The following CLEC4G variants were observed in gnomAD, a reference collection of about 807,000 sequenced individuals.
The protein encoded by CLEC4G is C-type lectin domain family 4 member G.
A neutral mutation model predicts 37.0 loss-of-function variants in CLEC4G; 34 were observed. The observed-to-expected ratio is 0.92, with a 90% confidence interval of 0.70 to 1.22. CLEC4G has a LOEUF of 1.22. Among genes scored for constraint, CLEC4G ranks in the 50% most tolerant of loss-of-function variants. CLEC4G has a pLI of 0.00. For missense variants in CLEC4G, 390 were observed against 392.9 expected, an observed-to-expected ratio of 0.99 and a Z score of 0.06; for synonymous variants, 167 against 165.6, an observed-to-expected ratio of 1.01 and a Z score of -0.06.
chr19:7,731,097 AC>A lies in CLEC4G; in HGVS notation c.221-10del. The A allele has an allele frequency of 1.2e-6, 2 of 1,601,316 alleles. No individual in the cohort carries two copies. Among genetic ancestry groups the A allele is most frequent in the Non-Finnish European group, 8.5e-7 (1 of 1,177,870 alleles). On this transcript the variant is annotated splice_polypyrimidine_tract_variant and intron_variant, in intron 3 of 8. Transcript: ENST00000328853. ...CGCCGTCTGCTTCGAGGCTGGAACG[AC>A]CCCCGCCCCAAAATGCATGCCCCTC...
chr19:7,731,673 G>C lies in CLEC4G; in HGVS notation c.154C>G (p.Leu52Val). The C allele has an allele frequency of 6.2e-7, 1 of 1,614,048 alleles. No homozygotes were observed. The highest frequency in any genetic ancestry group is 1.1e-5 in the South Asian group (1 of 91,080). ...GAGAGTCACTCACCCTTGGACAATA[G>C]GATACTCAGAATCACAGCCCAAAGG... ...TVLWAVILSI[L>V]LSKASTERAA... Residue 52 changes from leucine (L) to valine (V), a missense_variant, in exon 2 of 9, where the codon CTA (leucine) becomes GTA (valine). Transcript: ENST00000328853.
chr19:7,731,100 C>A lies in CLEC4G; in HGVS notation c.221-12G>T. ...CGTCTGCTTCGAGGCTGGAACGACCCCCGCCCCAAAATGCATGCCCCTCGG... is the reference window on the plus strand; with the variant it reads ...CGTCTGCTTCGAGGCTGGAACGACCACCGCCCCAAAATGCATGCCCCTCGG... On this transcript the variant is annotated splice_polypyrimidine_tract_variant and intron_variant, in intron 3 of 8. Coordinates refer to ENST00000328853, the MANE Select transcript of CLEC4G (RefSeq NM_198492.4). 1 of 1,605,280 alleles carries A rather than the reference C, an allele frequency of 6.2e-7. No individual in the cohort carries two copies. The highest frequency in any genetic ancestry group is 8.5e-7 in the Non-Finnish European group (1 of 1,179,618).
At position 7,730,411 on chromosome 19, in the gene CLEC4G, C is replaced by A; in HGVS notation, c.418G>T (p.Gly140Cys). The change falls in exon 6 of 9, where the codon GGC becomes TGC. Residue 140 changes from glycine (G) to cysteine (C), a missense_variant. Gly to Cys is a radical substitution (Grantham distance 159, BLOSUM62 -3). Coordinates refer to ENST00000328853, the MANE Select transcript of CLEC4G (RefSeq NM_198492.4). The surrounding 1 kb of genome is among the most constrained non-coding windows in gnomAD (Gnocchi z 7.3). Reference protein sequence around the residue: ...VTQGLAEAGRGREDVRTELFR... With the variant: ...VTQGLAEAGRCREDVRTELFR... ...AGCTCAGTGCGGACGTCCTCACGGC[C>A]CCTGCCGGCTTCAGCCAAGCCCTGG... is the stretch of plus-strand genomic sequence containing the variant. 1 of 1,602,052 alleles carries A rather than the reference C, an allele frequency of 6.2e-7. No homozygotes were observed. The highest frequency in any genetic ancestry group is 8.5e-7 in the Non-Finnish European group (1 of 1,179,890).
rs562769303 is a variant in CLEC4G, at chr19:7,729,342, G to A, written c.*24C>T. 3 of 1,544,116 alleles carry A rather than the reference G, an allele frequency of 1.9e-6. No homozygotes were observed. Among genetic ancestry groups the A allele is most frequent in the South Asian group, 1.1e-5 (1 of 89,716 alleles). ...CAGGATACGACATGCTGCAATGGGCGCGGCTCCAGGGCACTGGGCGGGGTC... is the reference window on the plus strand; with the variant it reads ...CAGGATACGACATGCTGCAATGGGCACGGCTCCAGGGCACTGGGCGGGGTC... On this transcript the variant is annotated 3_prime_UTR_variant, in exon 9 of 9. Transcript: ENST00000328853.
Position 7,730,855 on chromosome 19 carries a change from C to T in CLEC4G, c.288G>A (p.Ser96=), listed in dbSNP as rs1033931791. The T allele has an allele frequency of 3.1e-5, 47 of 1,529,564 alleles. No individual in the cohort carries two copies. The highest frequency in any genetic ancestry group is 2.3e-4 in the Middle Eastern group (1 of 4,360). 94.7% of individuals were successfully genotyped at this position (1,529,564 alleles called of 1,614,324 possible). A position where few individuals can be genotyped will look rare whatever the true frequency, so the allele number is the denominator to read the frequency against. Residue 96 remains serine, a synonymous_variant, in exon 5 of 9, where the codon TCG becomes TCA. Coordinates refer to ENST00000328853, the MANE Select transcript of CLEC4G (RefSeq NM_198492.4). The surrounding 1 kb of genome is among the most constrained non-coding windows in gnomAD (Gnocchi z 7.3). ...EEVGDCHSCC[S]GTQAQLQTTR... Reference sequence around the variant, plus strand: ...TGGTCTGCAGCTGCGCCTGCGTCCCCGAGCCTGGGAGCCGCAGGGTGAGAG... The same window carrying T: ...TGGTCTGCAGCTGCGCCTGCGTCCCTGAGCCTGGGAGCCGCAGGGTGAGAG...
At position 7,729,820 on chromosome 19, in the gene CLEC4G, C is replaced by G. The variant is rs761300902; in HGVS notation, c.743+1G>C. Reference sequence around the variant, plus strand: ...GGTCTCACCAGGAGCCTTTCCCTCACCTGAAGCTGAGAGAGACTCCGTCCA... The same window carrying G: ...GGTCTCACCAGGAGCCTTTCCCTCAGCTGAAGCTGAGAGAGACTCCGTCCA... On this transcript the variant is annotated splice_donor_variant, in intron 8 of 8. Transcript: ENST00000328853. LOFTEE classifies it high-confidence loss of function. 1 of 1,614,076 alleles carries G rather than the reference C, an allele frequency of 6.2e-7. No individual in the cohort carries two copies. Among genetic ancestry groups the G allele is most frequent in the South Asian group, 1.1e-5 (1 of 91,080 alleles).
intron 2 of CLEC4G, 30 bp from the exon 3 acceptor site, chr19:7,731,349 C>A: frequency 3.9e-6 from 6 of 1,549,778 alleles, no homozygotes; most frequent in Non-Finnish European, 5.2e-6. Flanking sequence ...CAGGCGAGGC[C>A]GGGAACTCGG....
Position 7,730,605 on chromosome 19 carries a change from G to A in CLEC4G, c.388+150C>T. 6.9e-7 allele frequency: 1 copy of A among 1,445,636 alleles called. No homozygotes were observed. The highest frequency in any genetic ancestry group is 1.4e-5 in the South Asian group (1 of 70,266). 89.6% of individuals were successfully genotyped at this position (1,445,636 alleles called of 1,614,324 possible). On this transcript the variant is annotated intron_variant, in intron 5 of 8. Transcript: ENST00000328853. This position sits in a 1 kb window ranked among gnomAD's most constrained non-coding sequence, Gnocchi z 7.3. Reference sequence around the variant, plus strand: ...TTACAACTGGGCAGGGTCCGGGTGTGGCCGGCGCTAGGAGTGGCAGTCAAG... The same window carrying A: ...TTACAACTGGGCAGGGTCCGGGTGTAGCCGGCGCTAGGAGTGGCAGTCAAG...
rs913772517 is a variant in CLEC4G at position 7,730,282 on chromosome 19, C to T, written c.478+69G>A. ...TCAGGGGTGGAGACACAGAACCAGG[C>T]CAAGGTCCAGGAGTGACAGGGTCCG... On this transcript the variant is annotated intron_variant, in intron 6 of 8. Transcript: ENST00000328853. This position sits in a 1 kb window ranked among gnomAD's most constrained non-coding sequence, Gnocchi z 7.3. 7 of 1,573,634 alleles carry T rather than the reference C, an allele frequency of 4.4e-6. No individual in the cohort carries two copies. Among genetic ancestry groups the T allele is most frequent in the African/African-American group, 2.7e-5 (2 of 74,076 alleles).
At position 7,729,375 on chromosome 19, in the gene CLEC4G, G is replaced by A; in HGVS notation, c.873C>T (p.His291=). The change falls in exon 9 of 9, where the codon CAC becomes CAT. Residue 291 remains histidine, a synonymous_variant. Transcript: ENST00000328853. ...AGGGCACTGGGCGGGGTCAGCAGTT[G>A]TGCCTTTTCTCACAGATCCAGCCGT... ...EKDGWICEKR[H]NC 1 of 1,607,038 alleles carries A rather than the reference G, an allele frequency of 6.2e-7. No homozygotes were observed. The highest frequency in any genetic ancestry group is 1.1e-5 in the South Asian group (1 of 90,970).
intron 2 of CLEC4G, 91 bp downstream of exon 2, chr19:7,731,570 G>A (rs1568500969): frequency 6.5e-7 from 1 of 1,529,184 alleles, no homozygotes; most frequent in Non-Finnish European, 8.8e-7. Flanking sequence ...ACGCGAACAG[G>A]ACCCCAGGAT....
chr19:7,731,353 A>G (rs2146301194), intron 2 of CLEC4G, 34 bp from the exon 3 acceptor site: 1 of 1,547,484 alleles, frequency 6.5e-7, no homozygotes, highest in Non-Finnish European at 8.7e-7. Flanking sequence ...CGAGGCCGGG[A>G]ACTCGGGAAT....
At position 7,731,395 on chromosome 19, in the gene CLEC4G, C is replaced by T. The variant is rs2033430905; in HGVS notation, c.167-76G>A. 3.3e-6 allele frequency: 5 copies of T among 1,522,910 alleles called. No individual in the cohort carries two copies. The South Asian group carries it at 6.1e-5, about 18-fold the overall frequency. The allele number at this position is 1,522,910 out of a possible 1,614,324, so 94.3% of individuals were successfully genotyped here. Reference sequence around the variant, plus strand: ...CTCGCCCGGGGGGTGCAGCGTCCCCCAACTCGGGAGCACGGAGCGGGCGGG... The same window carrying T: ...CTCGCCCGGGGGGTGCAGCGTCCCCTAACTCGGGAGCACGGAGCGGGCGGG... On this transcript the variant is annotated intron_variant, in intron 2 of 8. Transcript: ENST00000328853.
intron 2 of CLEC4G, 91 bp from the exon 3 acceptor site, chr19:7,731,410 G>C: frequency 1.3e-6 from 2 of 1,512,154 alleles, no homozygotes; most frequent in Non-Finnish European, 1.8e-6. Context: ...CGGGAGCACG[G>C]AGCGGGCGGG....
At position 7,729,457 on chromosome 19, in the gene CLEC4G, C is replaced by T. The variant is rs969870986; in HGVS notation, c.791G>A (p.Cys264Tyr). Residue 264 changes from cysteine to tyrosine, a missense_variant, in exon 9 of 9, where the codon TGT (cysteine) becomes TAT (tyrosine). Cys to Tyr is a radical substitution (Grantham distance 194). Transcript: ENST00000328853. ...CAGCCCCGTGTGCAGCATCATGACA[C>T]AGTTCTCGCGCCCCCAAGCGTCATT... ...EPNDAWGREN[C>Y]VMMLHTGLWN... 3 of 1,604,382 alleles carry T rather than the reference C, an allele frequency of 1.9e-6. No homozygotes were observed.
rs8112262 is a variant in CLEC4G at position 7,730,923 on chromosome 19, C to T, written c.284-64G>A. On this transcript the variant is annotated intron_variant, in intron 4 of 8. Coordinates refer to ENST00000328853, the MANE Select transcript of CLEC4G (RefSeq NM_198492.4). The surrounding 1 kb of genome is among the most constrained non-coding windows in gnomAD (Gnocchi z 7.3). ...ATGGGGCGGGACTTCGGAGACCAGC[C>T]CCCGCCCCGCACCACCCGCCGCAGG... 19,585 of 1,493,200 alleles carry T rather than the reference C, an allele frequency of 0.013. 824 individuals are homozygous for T. The African/African-American group carries it at 0.14, about 11-fold the overall frequency. 92.5% of individuals were successfully genotyped at this position (1,493,200 alleles called of 1,614,324 possible).
At position 7,731,045 on chromosome 19, in the gene CLEC4G, G is replaced by A. The variant is rs752369386; in HGVS notation, c.264C>T (p.Val88=). The change falls in exon 4 of 9, where the codon GTC becomes GTT. Residue 88 remains valine (V), a synonymous_variant. Transcript: ENST00000328853. The part of the protein sequence containing the change: ...TAALGALKEE[V]GDCHSCCSGT... ...CCTCACAGCAGCTGTGGCAGTCTCC[G>A]ACCTCCTCCTTCAGGGCACCCAGCG... is the stretch of plus-strand genomic sequence containing the variant. 2 of 1,603,526 alleles carry A rather than the reference G, an allele frequency of 1.2e-6. No homozygotes were observed. Among genetic ancestry groups the A allele is most frequent in the South Asian group, 1.1e-5 (1 of 90,982 alleles).
rs556591459 is a variant in CLEC4G at position 7,730,466 on chromosome 19, A to T, written c.389-26T>A. ...CTGCGGGGTCAAGGGAGCGGGGATT[A>T]TGGCTGGGGTCAGGGCCAGGACCAG... is the stretch of plus-strand genomic sequence containing the variant. On this transcript the variant is annotated intron_variant, in intron 5 of 8. Coordinates refer to ENST00000328853, the MANE Select transcript of CLEC4G (RefSeq NM_198492.4). The surrounding 1 kb of genome is among the most constrained non-coding windows in gnomAD (Gnocchi z 7.3). The T allele has an allele frequency of 3.8e-6, 6 of 1,597,538 alleles. No individual in the cohort carries two copies. In the African/African-American group the frequency reaches 8.0e-5, roughly 21 times the overall value.
rs758087432 is a variant in CLEC4G, at chr19:7,732,099, C to T, written c.4G>A (p.Asp2Asn). The change falls in exon 1 of 9, where the codon GAC becomes AAC. Residue 2 changes from aspartate to asparagine, a missense_variant. Asp to Asn is a conservative substitution (Grantham distance 23, BLOSUM62 1). Transcript: ENST00000328853. MDTTRYSKWGGS... is the reference protein window; with the variant it reads MNTTRYSKWGGS... ...CCCCACTTGCTGTACCTGGTGGTGT[C>T]CATGGCGATGCAGGCACCCAGTCCT... 4.4e-6 allele frequency: 7 copies of T among 1,604,112 alleles called. No individual in the cohort carries two copies. In the South Asian group the frequency reaches 6.6e-5, roughly 15 times the overall value.
Sources: gnomAD v4.1 joint callset for allele counts on GRCh38, gnomAD v4.1.1 for gene constraint, Gnocchi (gnomAD v3.1) non-coding constraint, MANE v1.5 for transcripts, NCBI Gene and HGNC (gene_info 2026-07-23, HGNC 2026-07-21) for gene names.